The following ZFP64 variants were observed in gnomAD, a reference collection of about 807,000 sequenced individuals.
ZFP64 encodes zinc finger protein 64.
A neutral mutation model predicts 51.6 loss-of-function variants in ZFP64; 14 were observed. The observed-to-expected ratio is 0.27, with a 90% CI of 0.18 to 0.42. ZFP64 has a LOEUF of 0.42. Ranked by LOEUF, ZFP64 falls within the 10% of genes least tolerant of loss-of-function variation. The pLI, the probability that ZFP64 is intolerant of heterozygous loss-of-function variation, is 1.00. For synonymous variants in ZFP64, 375 were observed against 361.4 expected, an observed-to-expected ratio of 1.04 and a Z score of -0.43; for missense variants, 754 against 906.8, an observed-to-expected ratio of 0.83 and a Z score of 2.16.
intron 5 of ZFP64, among the ~76,000 whole-genome samples, chr20:52,142,029 G>C (rs1037405447): frequency 6.6e-6 from 1 of 152,106 alleles, no homozygotes; most frequent in African/African-American, 2.4e-5. Flanking sequence ...TGGAATAGTA[G>C]ACATTACAGA....
At chr20:52,098,170 T>TC (rs1271916041) in intron 6 of ZFP64, among the ~76,000 whole-genome samples, 1 of 43,602 alleles carries the variant, frequency 2.3e-5, no homozygotes, top group African/African-American at 1.3e-4. Flanking sequence ...TGAAACTGTC[T>TC]CCAAAAAAAA....
At chr20:52,172,846 C>G (rs1353253418) in intron 2 of ZFP64, among the ~76,000 whole-genome samples, 1 of 152,230 alleles carries the variant, frequency 6.6e-6, no homozygotes, top group Non-Finnish European at 1.5e-5. Context: ...ACACCTGCTG[C>G]AGCTTTCAGG....
rs1439460693 is a variant in ZFP64 at position 52,160,665 on chromosome 20, G to A, written c.512-291C>T. Among the ~76,000 whole-genome samples the A allele has an allele frequency of 6.6e-6, 1 of 152,032 alleles. No homozygotes were observed. The highest frequency in any genetic ancestry group is 2.4e-5 in the African/African-American group (1 of 41,398). On this transcript the variant is annotated intron_variant, in intron 4 of 5. Transcript: ENST00000216923. The surrounding 1 kb of genome is among the most constrained non-coding windows in gnomAD (Gnocchi z 4.2). The stretch of plus-strand genomic sequence containing the variant: ...AATTAAAATTTTAAAGTATAGGTAC[G>A]TAAAATAGTAACAGTTTTGTTAATT...
At chr20:52,136,288 A>G (rs1202210775) in intron 5 of ZFP64, among the ~76,000 whole-genome samples, 2 of 152,078 alleles carry the variant, frequency 1.3e-5, no homozygotes, top group South Asian at 2.1e-4. Flanking sequence ...GAACCAATGC[A>G]TGGAGCCATA....
chr20:52,173,639 T>A (rs1273307472), intron 2 of ZFP64, among the ~76,000 whole-genome samples: 1 of 151,074 alleles, frequency 6.6e-6, no homozygotes, highest in East Asian at 1.9e-4. Context: ...GCAATATACA[T>A]CCTTGCTTTT....
intron 5 of ZFP64, among the ~76,000 whole-genome samples, chr20:52,127,327 G>T (rs1243672657): frequency 1.3e-5 from 2 of 151,772 alleles, no homozygotes; most frequent in African/African-American, 4.8e-5. Flanking sequence ...TTTAAAGGAA[G>T]TGATATGGTT....
intron 5 of ZFP64, among the ~76,000 whole-genome samples, chr20:52,115,373 C>T (rs1015604141): frequency 2.7e-5 from 4 of 150,022 alleles, no homozygotes; most frequent in African/African-American, 9.8e-5. Context: ...CACATAAATC[C>T]AGTGAAAAAA....
chr20:52,184,268 T>C (rs776224218), intron 2 of ZFP64, among the ~76,000 whole-genome samples: 1 of 152,178 alleles, frequency 6.6e-6, no homozygotes, highest in Non-Finnish European at 1.5e-5. Flanking sequence ...CAACAAAGTT[T>C]TATATTTGGA....
At chr20:52,100,489 G>A (rs538789064) in intron 5 of ZFP64, among the ~76,000 whole-genome samples, 29 of 152,062 alleles carry the variant, frequency 1.9e-4, no homozygotes, top group African/African-American at 6.7e-4. Context: ...CAAGTGATCC[G>A]CCCATCTCAG....
chr20:52,150,121 T>C (rs1018657161), downstream of ZFP64, among the ~76,000 whole-genome samples: 9 of 150,162 alleles, frequency 6.0e-5, no homozygotes, highest in Admixed American at 4.0e-4. Flanking sequence ...AGGAGAATGG[T>C]GTGAACCCGG....
intron 7 of ZFP64, among the ~76,000 whole-genome samples, chr20:52,096,586 G>C (rs1488011439): frequency 2.0e-5 from 3 of 152,174 alleles, no homozygotes; most frequent in Non-Finnish European, 4.4e-5. Context: ...TTTTGTAAAG[G>C]GCTAAGTAGT....
chr20:52,167,914 CT>C, intron 2 of ZFP64, among the ~76,000 whole-genome samples: 4 of 152,166 alleles, frequency 2.6e-5, no homozygotes, highest in Non-Finnish European at 5.9e-5. Flanking sequence ...CTCTTAAACA[CT>C]ATATTTCTTT....
intron 5 of ZFP64, among the ~76,000 whole-genome samples, chr20:52,116,167 G>A (rs568908590): frequency 1.4e-5 from 2 of 147,442 alleles, no homozygotes; most frequent in African/African-American, 2.5e-5. Context: ...ATGGAGTCTC[G>A]CTCTGTCACC....
intron 5 of ZFP64, among the ~76,000 whole-genome samples, chr20:52,113,294 A>G (rs902532085): frequency 1.3e-5 from 2 of 151,552 alleles, no homozygotes; most frequent in East Asian, 2.0e-4. Flanking sequence ...CGAATGCGCC[A>G]CTGTACTCCA....
intron 2 of ZFP64, among the ~76,000 whole-genome samples, chr20:52,180,266 C>A (rs6126490): frequency 1.3e-5 from 2 of 152,192 alleles, no homozygotes; most frequent in African/African-American, 4.8e-5. Flanking sequence ...CCCTCTCTAT[C>A]GTAATATGTG....
rs1460462288 is a variant in ZFP64 at position 52,085,316 on chromosome 20, C to T, written c.1229-50G>A. 1 of 1,528,472 alleles carries T rather than the reference C, an allele frequency of 6.5e-7. No individual in the cohort carries two copies. Among genetic ancestry groups the T allele is most frequent in the Non-Finnish European group, 8.8e-7 (1 of 1,132,782 alleles). 94.7% of individuals were successfully genotyped at this position (1,528,472 alleles called of 1,614,324 possible). Reference sequence around the variant, plus strand: ...TTAGAACAGGCAGGCAAAACAGACCCTCCCACCCCAACCTGCCTTAGCACA... The same window carrying T: ...TTAGAACAGGCAGGCAAAACAGACCTTCCCACCCCAACCTGCCTTAGCACA... On this transcript the variant is annotated intron_variant, in intron 8 of 8. Transcript: ENST00000361387. This position sits in a 1 kb window ranked among gnomAD's most constrained non-coding sequence, Gnocchi z 4.3.
chr20:52,106,955 G>A (rs1252538605), intron 5 of ZFP64, among the ~76,000 whole-genome samples: 1 of 152,136 alleles, frequency 6.6e-6, no homozygotes, highest in Non-Finnish European at 1.5e-5. Context: ...AAAATTAGCC[G>A]GGCATGGTGG....
intron 5 of ZFP64, among the ~76,000 whole-genome samples, chr20:52,127,475 T>C (rs1979502005): frequency 6.6e-6 from 1 of 152,180 alleles, no homozygotes; most frequent in South Asian, 2.1e-4. Context: ...TCACAAGAGC[T>C]GACGGTTTTA....
chr20:52,105,277 C>T, intron 5 of ZFP64: 1 of 1,290,746 alleles, frequency 7.7e-7, no homozygotes, highest in African/African-American at 1.5e-5. Context: ...CTAGGAGTGG[C>T]CTACTTCACA....
Sources: gnomAD v4.1 joint callset for allele counts (sites outside exome capture counted in the v4.1 genomes callset) on GRCh38, gnomAD v4.1.1 for gene constraint, Gnocchi (gnomAD v3.1) non-coding constraint, MANE v1.5 for transcripts, NCBI Gene and HGNC (gene_info 2026-07-23, HGNC 2026-07-21) for gene names.